SAMD12: variants seen among roughly 807,000 people sequenced by gnomAD.
SAMD12 encodes sterile alpha motif domain containing 12.
SAMD12 carries 9 observed loss-of-function variants against 15.0 expected under a neutral mutation model. That is an observed-to-expected ratio of 0.60 (90% CI 0.36 to 1.05). The LOEUF (loss-of-function observed/expected upper bound fraction) is 1.05, where lower values mean the gene tolerates loss of function less well. Ranked by LOEUF, SAMD12 falls within the 50% of genes least tolerant of loss-of-function variation. SAMD12 has a pLI of 0.01. For missense variants in SAMD12, 230 were observed against 234.2 expected, an observed-to-expected ratio of 0.98 and a Z score of 0.12; for synonymous variants, 86 against 90.1, an observed-to-expected ratio of 0.96 and a Z score of 0.25.
chr8:118,563,416 C>A (rs1826762291), intron 2 of SAMD12, among the ~76,000 whole-genome samples: 1 of 152,156 alleles, frequency 6.6e-6, no homozygotes, highest in East Asian at 1.9e-4. Context: ...GAATATAAAG[C>A]TAAAGGCCTG....
the SAMD12 span, among the ~76,000 whole-genome samples, chr8:118,139,220 A>C: frequency 6.6e-6 from 1 of 152,094 alleles, no homozygotes; most frequent in Non-Finnish European, 1.5e-5. Context: ...GACATTAAAA[A>C]AAAAAAAAAT....
At chr8:118,332,816 T>C (rs557297210) in intron 4 of SAMD12, among the ~76,000 whole-genome samples, 2 of 152,340 alleles carry the variant, frequency 1.3e-5, no homozygotes, top group South Asian at 4.1e-4. Flanking sequence ...CAAGTCCATT[T>C]CTTGAATCTC....
Position 118,357,862 on chromosome 8 carries a change from C to T in SAMD12, c.433+21698G>A, listed in dbSNP as rs146551642. 2.6e-3 allele frequency among the ~76,000 whole-genome samples: 402 copies of T among 152,148 alleles called. 1 individual carries two copies. The highest frequency in any genetic ancestry group is 4.9e-3 in the Non-Finnish European group (332 of 67,992). On this transcript the variant is annotated intron_variant, in intron 4 of 4. Transcript: ENST00000409003. ...TTCAGTTCCTAGGGAATGCTAAACT[C>T]AGGCCAGGCACAGTGGCTCACACCT... is the stretch of plus-strand genomic sequence containing the variant.
chr8:118,432,331 C>G (rs1204944048), intron 3 of SAMD12, among the ~76,000 whole-genome samples: 2 of 152,082 alleles, frequency 1.3e-5, no homozygotes, highest in Non-Finnish European at 2.9e-5. Flanking sequence ...GAAACCTGGA[C>G]ATGTTGTATT....
chr8:118,337,298 C>T (rs1289841237), intron 4 of SAMD12, among the ~76,000 whole-genome samples: 2 of 152,154 alleles, frequency 1.3e-5, no homozygotes, highest in East Asian at 1.9e-4. Flanking sequence ...ATGTCACACG[C>T]CAGCTCAGCT....
chr8:118,214,903 G>C (rs1450457268), intron 4 of SAMD12, among the ~76,000 whole-genome samples: 2 of 152,212 alleles, frequency 1.3e-5, no homozygotes, highest in African/African-American at 2.4e-5. Flanking sequence ...ACAATGGCTG[G>C]AGGTGAAGGC....
intron 4 of SAMD12, among the ~76,000 whole-genome samples, chr8:118,204,488 C>T (rs1207220800): frequency 6.6e-6 from 1 of 152,164 alleles, no homozygotes; most frequent in African/African-American, 2.4e-5. Context: ...GACATGGTGG[C>T]TCATGCCTGT....
intron 3 of SAMD12, among the ~76,000 whole-genome samples, chr8:118,437,048 C>A (rs768294335): frequency 5.9e-5 from 9 of 152,140 alleles, no homozygotes; most frequent in Non-Finnish European, 1.3e-4. Flanking sequence ...TGTCTGCACA[C>A]CCTGGTGAGG....
At chr8:118,556,045 T>G (rs1432796526) in intron 2 of SAMD12, among the ~76,000 whole-genome samples, 4 of 152,152 alleles carry the variant, frequency 2.6e-5, no homozygotes, top group Non-Finnish European at 1.5e-5. Context: ...ATCCTGAGAA[T>G]GGGGAACTGG....
intron 2 of SAMD12, among the ~76,000 whole-genome samples, chr8:118,469,518 T>TATATATTATATATAATATATA (rs1823713344): frequency 5.5e-4 from 1 of 1,818 alleles, no homozygotes; most frequent in Non-Finnish European, 1.1e-3. Context: ...TAATATATAA[T>TATATATTATATATAATATATA]ATATATAATA....
At chr8:118,279,175 C>G (rs2130146138) in intron 4 of SAMD12, among the ~76,000 whole-genome samples, 1 of 152,268 alleles carries the variant, frequency 6.6e-6, no homozygotes, top group East Asian at 1.9e-4. Flanking sequence ...AAGATGAATT[C>G]CAAGTGGTCA....
At chr8:118,352,988 C>T (rs1818034998) in intron 4 of SAMD12, among the ~76,000 whole-genome samples, 1 of 151,926 alleles carries the variant, frequency 6.6e-6, no homozygotes, top group South Asian at 2.1e-4. Flanking sequence ...ATTTGGAAAA[C>T]CTGAGAGAAT....
the SAMD12 span, among the ~76,000 whole-genome samples, chr8:118,156,917 C>T: frequency 6.6e-6 from 1 of 152,056 alleles, no homozygotes; most frequent in Non-Finnish European, 1.5e-5. Context: ...TGTATTTTGT[C>T]AGATAAATTA....
chr8:118,191,762 A>C (rs2451151), exon 5 of SAMD12: 569 of 13,032 alleles, frequency 0.044, 53 homozygotes, highest in African/African-American at 0.23. Flanking sequence ...GAGATTATAT[A>C]TATATATATA....
At chr8:118,349,962 T>C (rs1817874526) in intron 4 of SAMD12, among the ~76,000 whole-genome samples, 1 of 151,796 alleles carries the variant, frequency 6.6e-6, no homozygotes, top group Non-Finnish European at 1.5e-5. Context: ...ATCTCATCTC[T>C]ACAAAAAATT....
chr8:118,262,482 A>G (rs1049756418), intron 4 of SAMD12, among the ~76,000 whole-genome samples: 3 of 152,130 alleles, frequency 2.0e-5, no homozygotes, highest in Non-Finnish European at 4.4e-5. Context: ...TGCACCTAAT[A>G]TATTACAAAG....
intron 2 of SAMD12, among the ~76,000 whole-genome samples, chr8:118,551,943 C>T (rs1380939785): frequency 1.3e-5 from 2 of 151,228 alleles, no homozygotes; most frequent in African/African-American, 4.9e-5. Flanking sequence ...TGGATAAATT[C>T]CTCGACACAT....
intron 4 of SAMD12, chr8:118,295,646 A>ATTTTTTTT (rs34753693): frequency 7.5e-6 from 1 of 134,156 alleles, no homozygotes; most frequent in Non-Finnish European, 1.6e-5. Flanking sequence ...GCTGTCACTG[A>ATTTTTTTT]TTTTTTTTTT....
At chr8:118,317,464 C>A (rs922607644) in intron 4 of SAMD12, among the ~76,000 whole-genome samples, 1 of 152,028 alleles carries the variant, frequency 6.6e-6, no homozygotes, top group African/African-American at 2.4e-5. Flanking sequence ...AATAAATGAT[C>A]GAGAACTGCA....
Sources: allele counts gnomAD v4.1 joint callset (sites outside exome capture counted in the v4.1 genomes callset), GRCh38; gene constraint gnomAD v4.1.1; transcripts MANE v1.5; gene names NCBI Gene and HGNC (gene_info 2026-07-23, HGNC 2026-07-21).